VPS37A: variants seen among roughly 807,000 people sequenced by gnomAD.
VPS37A encodes the protein VPS37A subunit of ESCRT-I, also known as vacuolar protein sorting-associated protein 37A.
A neutral mutation model predicts 49.8 loss-of-function variants in VPS37A; 30 were observed. The observed-to-expected ratio is 0.60, with a 90% CI of 0.45 to 0.82. The LOEUF (loss-of-function observed/expected upper bound fraction) is 0.82, where lower values mean the gene tolerates loss of function less well. VPS37A is among the 40% of genes least tolerant of loss of function. VPS37A has a pLI of 0.00. For synonymous variants in VPS37A, 195 were observed against 160.6 expected, an observed-to-expected ratio of 1.21 and a Z score of -1.62; for missense variants, 593 against 464.4, an observed-to-expected ratio of 1.28 and a Z score of -2.55.
chr8:17,248,209 C>G, intron 1 of VPS37A: 2 of 406,098 alleles, frequency 4.9e-6, no homozygotes, highest in South Asian at 1.8e-5. Flanking sequence ...ATTTACTTAA[C>G]AGTTTCACAC....
At chr8:17,287,703 AC>A (rs1815742850) in intron 11 of VPS37A, among the ~76,000 whole-genome samples, 1 of 152,036 alleles carries the variant, frequency 6.6e-6, no homozygotes, top group Non-Finnish European at 1.5e-5. Context: ...CTTTTTTCTT[AC>A]TAGCCCTTCA....
intron 4 of VPS37A, among the ~76,000 whole-genome samples, chr8:17,271,085 T>A (rs1389623417): frequency 6.6e-6 from 1 of 152,200 alleles, no homozygotes; most frequent in Non-Finnish European, 1.5e-5. Flanking sequence ...ACATTGTTTT[T>A]TTTATTAAGA....
At chr8:17,268,728 C>A in intron 3 of VPS37A, 128 bp from the exon 4 acceptor site, 1 of 677,308 alleles carries the variant, frequency 1.5e-6, no homozygotes, top group Non-Finnish European at 2.5e-6. Flanking sequence ...TTGTTAATTG[C>A]TAATATCCTT....
At position 17,296,291 on chromosome 8, in the gene VPS37A, G is replaced by C. The variant is rs139208736; in HGVS notation, c.*1305G>C. 3.9e-5 allele frequency: 6 copies of C among 152,226 alleles called. No individual in the cohort carries two copies. In the South Asian group the frequency reaches 8.3e-4, roughly 21 times the overall value. The allele number at this position is 152,226 out of a possible 1,614,324, so 9.4% of individuals were successfully genotyped here. A position where few individuals can be genotyped will look rare whatever the true frequency, so the allele number is the denominator to read the frequency against. The stretch of plus-strand genomic sequence containing the variant: ...TCACGTGGACTGAGATACAATGTTG[G>C]ATACAGAAAATAACTTTCATTGTCT... On this transcript the variant is annotated 3_prime_UTR_variant, in exon 12 of 12. Transcript: ENST00000324849.
At chr8:17,298,600 C>A (rs905024015), downstream of VPS37A, 1 of 152,010 alleles carries the variant, frequency 6.6e-6, no homozygotes, top group African/African-American at 2.4e-5. Context: ...TAAATTAATC[C>A]TTTCACATAT....
intron 10 of VPS37A, 21 bp downstream of exon 10, chr8:17,284,637 G>A: frequency 6.4e-7 from 1 of 1,570,468 alleles, no homozygotes; most frequent in South Asian, 1.2e-5. Context: ...CTCGTCAGTT[G>A]AGGACAAGTA....
At chr8:17,281,455 A>G (rs1044543351) in intron 9 of VPS37A, among the ~76,000 whole-genome samples, 21 of 152,050 alleles carry the variant, frequency 1.4e-4, no homozygotes, top group Non-Finnish European at 2.9e-5. Flanking sequence ...ATAGTACTCA[A>G]CATCATTCTT....
At chr8:17,274,619 T>C in intron 4 of VPS37A, 114 bp from the exon 5 acceptor site, 1 of 672,296 alleles carries the variant, frequency 1.5e-6, no homozygotes, top group Non-Finnish European at 2.4e-6. Flanking sequence ...CACCTGCCAT[T>C]ATAACATTTC....
chr8:17,269,372 T>A (rs145889519), intron 4 of VPS37A, among the ~76,000 whole-genome samples: 13 of 152,316 alleles, frequency 8.5e-5, no homozygotes, highest in Admixed American at 8.5e-4. Context: ...TGTTACCATG[T>A]TTACATTTCC....
intron 1 of VPS37A, among the ~76,000 whole-genome samples, chr8:17,260,975 G>C (rs1812911272): frequency 6.6e-6 from 1 of 152,144 alleles, no homozygotes; most frequent in Non-Finnish European, 1.5e-5. Flanking sequence ...TTTGTTCAGT[G>C]TATCTGACCT....
rs188300618 is a variant in VPS37A, at chr8:17,284,959, A to G, written c.1113+343A>G. ...AGAGTGAGGGCCTGTACGTGTGGCT[A>G]TTTCCTGTCTGGTATGTCAGAGGAA... On this transcript the variant is annotated intron_variant, in intron 10 of 11. Coordinates refer to ENST00000324849, the MANE Select transcript of VPS37A (RefSeq NM_152415.3). 7.2e-5 allele frequency among the ~76,000 whole-genome samples: 11 copies of G among 152,084 alleles called. No individual in the cohort carries two copies. The East Asian group carries it at 1.4e-3, about 19-fold the overall frequency.
chr8:17,274,968 G>A lies in VPS37A; in HGVS notation c.642+10G>A, dbSNP rs531893337. The A allele has an allele frequency of 2.2e-5, 36 of 1,609,934 alleles. No homozygotes were observed. Among genetic ancestry groups the A allele is most frequent in the African/African-American group, 4.0e-5 (3 of 74,932 alleles). ...GGATGCTTCAATACCGGTTGGTATC[G>A]TCAGTTATCTATATTTTGTGCCACT... On this transcript the variant is annotated intron_variant, in intron 5 of 11. Transcript: ENST00000324849.
chr8:17,306,549 C>T (rs1010123128), downstream of VPS37A, among the ~76,000 whole-genome samples: 1 of 152,184 alleles, frequency 6.6e-6, no homozygotes, highest in African/African-American at 2.4e-5. Flanking sequence ...TCAGACTCGT[C>T]TTCCTCAAAT....
At chr8:17,267,220 A>C (rs961673170) in intron 2 of VPS37A, among the ~76,000 whole-genome samples, 7 of 152,204 alleles carry the variant, frequency 4.6e-5, no homozygotes, top group Admixed American at 3.9e-4. Context: ...AAGTAGTTTT[A>C]TCTCTCATCA....
intron 2 of VPS37A, among the ~76,000 whole-genome samples, chr8:17,267,573 C>T (rs946158535): frequency 1.3e-5 from 2 of 152,066 alleles, no homozygotes; most frequent in African/African-American, 4.8e-5. Context: ...AGAAGGGAGC[C>T]GTGTAGAACC....
the VPS37A span, among the ~76,000 whole-genome samples, chr8:17,330,732 C>T: frequency 3.3e-5 from 5 of 152,088 alleles, no homozygotes; most frequent in East Asian, 1.9e-4. Flanking sequence ...TCAGCTCCTC[C>T]GATATTCTCC....
At chr8:17,290,688 C>G (rs1020230196) in intron 11 of VPS37A, among the ~76,000 whole-genome samples, 7 of 152,168 alleles carry the variant, frequency 4.6e-5, no homozygotes, top group African/African-American at 1.7e-4. Context: ...TGATGCTGGC[C>G]TCATACAATC....
intron 1 of VPS37A, among the ~76,000 whole-genome samples, chr8:17,264,095 C>T (rs1813220017): frequency 6.6e-6 from 1 of 152,122 alleles, no homozygotes; most frequent in Non-Finnish European, 1.5e-5. Context: ...CGTAATCTAA[C>T]AAATCTTTTA....
intron 1 of VPS37A, chr8:17,247,860 C>T: frequency 1.5e-6 from 1 of 673,920 alleles, no homozygotes; most frequent in South Asian, 1.6e-5. Flanking sequence ...CTGAGAGTCA[C>T]TTATCACGTA....
Sources: allele counts gnomAD v4.1 joint callset (sites outside exome capture counted in the v4.1 genomes callset), GRCh38; gene constraint gnomAD v4.1.1; transcripts MANE v1.5; gene names NCBI Gene and HGNC (gene_info 2026-07-23, HGNC 2026-07-21).